Variants in ZNF704 observed in about 807,000 individuals in gnomAD.
ZNF704 encodes zinc finger protein 704.
In ZNF704, 10 loss-of-function variants were observed where a neutral mutation model predicts 44.7. That is an observed-to-expected ratio of 0.22 (90% CI 0.14 to 0.38). The LOEUF (loss-of-function observed/expected upper bound fraction) is 0.38. ZNF704 is among the 10% of genes least tolerant of loss of function. ZNF704 has a pLI of 1.00. For missense variants in ZNF704, 390 were observed against 545.5 expected, an observed-to-expected ratio of 0.71 and a Z score of 2.84; for synonymous variants, 211 against 207.6, an observed-to-expected ratio of 1.02 and a Z score of -0.14.
At chr8:80,703,822 T>C (rs1296933095) in intron 2 of ZNF704, among the ~76,000 whole-genome samples, 1 of 152,156 alleles carries the variant, frequency 6.6e-6, no homozygotes, top group African/African-American at 2.4e-5. Context: ...AAGCATTAAG[T>C]AAGGATGGTG....
intron 1 of ZNF704, among the ~76,000 whole-genome samples, chr8:80,867,761 G>A (rs1809181510): frequency 1.3e-5 from 2 of 152,212 alleles, no homozygotes; most frequent in Non-Finnish European, 2.9e-5. Flanking sequence ...ATATTCAAGA[G>A]ATAGTCTAAT....
intron 4 of ZNF704, among the ~76,000 whole-genome samples, chr8:80,678,674 C>CAT (rs1563515934): frequency 6.6e-6 from 1 of 152,090 alleles, no homozygotes; most frequent in Non-Finnish European, 1.5e-5. Context: ...TAAATTATGC[C>CAT]ATATGACTGT....
chr8:80,729,845 G>A (rs1325442202), intron 2 of ZNF704, among the ~76,000 whole-genome samples: 3 of 152,134 alleles, frequency 2.0e-5, no homozygotes, highest in Non-Finnish European at 4.4e-5. Flanking sequence ...TAGGTATAAC[G>A]AAATCTCACC....
intron 2 of ZNF704, among the ~76,000 whole-genome samples, chr8:80,732,966 A>AAG (rs1806607079): frequency 2.0e-5 from 3 of 151,610 alleles, no homozygotes; most frequent in Admixed American, 1.3e-4. Context: ...AAAAAAAAAA[A>AAG]AAAAAAAGAG....
At chr8:80,779,723 G>A (rs1293316666) in intron 2 of ZNF704, among the ~76,000 whole-genome samples, 1 of 151,638 alleles carries the variant, frequency 6.6e-6, no homozygotes, top group Admixed American at 6.6e-5. Context: ...CTTCACTACT[G>A]AGCATTTTAA....
At chr8:80,772,860 G>A (rs192008008) in intron 2 of ZNF704, among the ~76,000 whole-genome samples, 78 of 152,028 alleles carry the variant, frequency 5.1e-4, no homozygotes, top group African/African-American at 1.9e-3. Context: ...TGAAAGCTTT[G>A]ATTATTGATT....
chr8:80,881,577 A>G, the ZNF704 span, among the ~76,000 whole-genome samples: 1 of 152,190 alleles, frequency 6.6e-6, no homozygotes, highest in Non-Finnish European at 1.5e-5. Flanking sequence ...GGGGAGGTGA[A>G]CAGGCTTCAG....
intron 1 of ZNF704, among the ~76,000 whole-genome samples, chr8:80,837,579 C>T (rs962998029): frequency 2.1e-5 from 3 of 143,194 alleles, no homozygotes; most frequent in Non-Finnish European, 4.5e-5. Flanking sequence ...CAGGTATGCC[C>T]GAAACACTTC....
chr8:80,633,411 G>C lies in ZNF704; in HGVS notation c.*7955C>G, dbSNP rs1322397350. The C allele has an allele frequency of 6.6e-6, 1 of 152,168 alleles. No homozygotes were observed. The highest frequency in any genetic ancestry group is 1.9e-4 in the East Asian group (1 of 5,198). The allele number at this position is 152,168 out of a possible 1,614,324, so 9.4% of individuals were successfully genotyped here. On this transcript the variant is annotated 3_prime_UTR_variant, in exon 9 of 9. Transcript: ENST00000327835. ...GATTAGGGATCTGCTACAGTAAAGG[G>C]ATTCATCTGGGGATAAATCAGTTTG...
intron 2 of ZNF704, among the ~76,000 whole-genome samples, chr8:80,811,151 T>C (rs1435497643): frequency 2.0e-5 from 3 of 152,178 alleles, no homozygotes; most frequent in African/African-American, 4.8e-5. Context: ...TCACTTGAAA[T>C]GTGCCTTGTC....
intron 7 of ZNF704, among the ~76,000 whole-genome samples, chr8:80,658,080 T>A (rs763803713): frequency 2.6e-5 from 4 of 152,172 alleles, no homozygotes; most frequent in African/African-American, 9.7e-5. Flanking sequence ...TTCCCTATAC[T>A]TCAGAAGATA....
At chr8:80,869,729 T>G (rs1172528319) in intron 1 of ZNF704, among the ~76,000 whole-genome samples, 1 of 152,238 alleles carries the variant, frequency 6.6e-6, no homozygotes, top group Non-Finnish European at 1.5e-5. Context: ...GTGGAACCTG[T>G]GACTTACTTC....
At chr8:80,785,698 T>C (rs1472535839) in intron 2 of ZNF704, among the ~76,000 whole-genome samples, 7 of 152,168 alleles carry the variant, frequency 4.6e-5, no homozygotes, top group Admixed American at 4.6e-4. Flanking sequence ...TGAGGTTTGT[T>C]TTTGTTTTTT....
At chr8:80,763,294 A>G (rs1476838979) in intron 2 of ZNF704, among the ~76,000 whole-genome samples, 2 of 152,118 alleles carry the variant, frequency 1.3e-5, no homozygotes, top group Admixed American at 6.5e-5. Context: ...TGAGGGTCCC[A>G]CCCCTGCAGC....
intron 2 of ZNF704, among the ~76,000 whole-genome samples, chr8:80,710,600 G>A (rs1403915087): frequency 6.6e-6 from 1 of 152,176 alleles, no homozygotes; most frequent in Non-Finnish European, 1.5e-5. Flanking sequence ...CATGAAGGTA[G>A]AGCCCCCAGG....
intron 2 of ZNF704, among the ~76,000 whole-genome samples, chr8:80,806,178 G>C (rs1488108179): frequency 6.6e-6 from 1 of 152,172 alleles, no homozygotes; most frequent in East Asian, 1.9e-4. Context: ...GGTAAAGTTT[G>C]AAAAATCAGC....
chr8:80,651,421 C>T (rs201239737), intron 7 of ZNF704, among the ~76,000 whole-genome samples: 150 of 135,730 alleles, frequency 1.1e-3, no homozygotes, highest in African/African-American at 2.0e-3. Context: ...TCAGGAAACC[C>T]ATCTCATGTG....
chr8:80,640,591 T>C lies in ZNF704; in HGVS notation c.*775A>G, dbSNP rs948947056. 2.4e-4 allele frequency: 37 copies of C among 152,226 alleles called. No individual in the cohort carries two copies. Among genetic ancestry groups the C allele is most frequent in the African/African-American group, 8.9e-4 (37 of 41,460 alleles). The allele number at this position is 152,226 out of a possible 1,614,324, so 9.4% of individuals were successfully genotyped here. Reference sequence around the variant, plus strand: ...AGGTAGAGAGTAGAGTTAGCTGTGCTGCCTTTAGGGGAAGAGCTTCTTATG... The same window carrying C: ...AGGTAGAGAGTAGAGTTAGCTGTGCCGCCTTTAGGGGAAGAGCTTCTTATG... On this transcript the variant is annotated 3_prime_UTR_variant, in exon 9 of 9. Coordinates refer to ENST00000327835, the MANE Select transcript of ZNF704 (RefSeq NM_001033723.3).
intron 7 of ZNF704, among the ~76,000 whole-genome samples, chr8:80,646,347 T>C (rs1391975816): frequency 6.6e-6 from 1 of 151,958 alleles, no homozygotes. Flanking sequence ...AGATTGGTGA[T>C]GTGCACCTAA....
Sources: gnomAD v4.1 joint callset for allele counts (sites outside exome capture counted in the v4.1 genomes callset) on GRCh38, gnomAD v4.1.1 for gene constraint, MANE v1.5 for transcripts, NCBI Gene and HGNC (gene_info 2026-07-23, HGNC 2026-07-21) for gene names.